The following TARP variants were observed in gnomAD, a reference collection of about 807,000 sequenced individuals.
At chr7:38,265,879 A>T in the TARP span, among the ~76,000 whole-genome samples, 1 of 151,614 alleles carries the variant, frequency 6.6e-6, no homozygotes, top group African/African-American at 2.4e-5. Flanking sequence ...GAATCAAGAC[A>T]TTAAATAACT....
the TARP span, among the ~76,000 whole-genome samples, chr7:38,270,118 G>T: frequency 6.6e-6 from 1 of 151,840 alleles, no homozygotes; most frequent in South Asian, 2.1e-4. Flanking sequence ...AAATGCTATG[G>T]AAATATAAGA....
chr7:38,269,686 A>G, the TARP span: 41 of 568,864 alleles, frequency 7.2e-5, no homozygotes, highest in Non-Finnish European at 1.2e-4. Context: ...AAATCAAATA[A>G]CTTAAAGCTT....
the TARP span, chr7:38,260,262 A>C: frequency 8.2e-7 from 1 of 1,221,466 alleles, no homozygotes; most frequent in Non-Finnish European, 1.1e-6. Context: ...CTTTTTACAG[A>C]ATAAGATACA....
At chr7:38,266,385 C>A in the TARP span, among the ~76,000 whole-genome samples, 1 of 151,770 alleles carries the variant, frequency 6.6e-6, no homozygotes, top group Non-Finnish European at 1.5e-5. Context: ...TAGCTCACTG[C>A]AGTCTCGACT....
the TARP span, among the ~76,000 whole-genome samples, chr7:38,267,575 TATTA>T: frequency 3.5e-3 from 526 of 151,046 alleles, 2 homozygotes; most frequent in African/African-American, 0.013. Flanking sequence ...TATACAGAAA[TATTA>T]ATTTGTGAGC....
the TARP span, chr7:38,265,740 G>C: frequency 4.1e-6 from 5 of 1,207,560 alleles, no homozygotes; most frequent in Non-Finnish European, 4.6e-6. Flanking sequence ...ACATTGCACA[G>C]TTTGGAGTGG....
At chr7:38,270,118 G>C in the TARP span, among the ~76,000 whole-genome samples, 1 of 151,840 alleles carries the variant, frequency 6.6e-6, no homozygotes, top group African/African-American at 2.4e-5. Flanking sequence ...AAATGCTATG[G>C]AAATATAAGA....
the TARP span, among the ~76,000 whole-genome samples, chr7:38,263,725 T>G: frequency 1.3e-5 from 2 of 151,734 alleles, no homozygotes; most frequent in Non-Finnish European, 2.9e-5. Context: ...ATTGGTGTGT[T>G]GGTTTATTAT....
chr7:38,261,193 G>C, the TARP span, among the ~76,000 whole-genome samples: 1 of 151,600 alleles, frequency 6.6e-6, no homozygotes, highest in Non-Finnish European at 1.5e-5. Flanking sequence ...AGCCCCACAT[G>C]ATGTCCGTTT....
At chr7:38,269,229 A>G in the TARP span, among the ~76,000 whole-genome samples, 1 of 151,780 alleles carries the variant, frequency 6.6e-6, no homozygotes, top group African/African-American at 2.4e-5. Context: ...CAGACATTTT[A>G]ATGAGATCAT....
the TARP span, among the ~76,000 whole-genome samples, chr7:38,263,438 T>G: frequency 1.6e-4 from 25 of 151,856 alleles, no homozygotes; most frequent in African/African-American, 5.8e-4. Flanking sequence ...AGAAAGTTAT[T>G]TATAAAGAGG....
chr7:38,269,835 T>C, the TARP span, among the ~76,000 whole-genome samples: 7 of 152,058 alleles, frequency 4.6e-5, no homozygotes, highest in Non-Finnish European at 8.8e-5. Context: ...TGCAGTGGTT[T>C]GTGCCTATAA....
the TARP span, among the ~76,000 whole-genome samples, chr7:38,269,982 G>C: frequency 3.3e-5 from 5 of 151,762 alleles, no homozygotes; most frequent in East Asian, 3.9e-4. Flanking sequence ...CACGACTGTA[G>C]GCCCAGCTAC....
the TARP span, among the ~76,000 whole-genome samples, chr7:38,260,535 G>A: frequency 6.7e-6 from 1 of 150,078 alleles, no homozygotes; most frequent in Non-Finnish European, 1.5e-5. Flanking sequence ...GGTAGTTGTG[G>A]CACACTCACC....
chr7:38,268,408 C>T, the TARP span, among the ~76,000 whole-genome samples: 1 of 151,264 alleles, frequency 6.6e-6, no homozygotes, highest in Non-Finnish European at 1.5e-5. Flanking sequence ...TAAGTGTTCT[C>T]TATTTCTTAT....
At chr7:38,262,620 C>G in the TARP span, among the ~76,000 whole-genome samples, 1 of 151,424 alleles carries the variant, frequency 6.6e-6, no homozygotes, top group Non-Finnish European at 1.5e-5. Context: ...GACATGACAT[C>G]AGCAAAAAGA....
At chr7:38,265,419 T>A in the TARP span, 2 of 1,612,398 alleles carry the variant, frequency 1.2e-6, no homozygotes, top group Non-Finnish European at 8.5e-7. Flanking sequence ...TGACGATACA[T>A]CTGTGTTCTT....
At chr7:38,269,067 G>A in the TARP span, among the ~76,000 whole-genome samples, 57 of 151,826 alleles carry the variant, frequency 3.8e-4, no homozygotes, top group African/African-American at 7.0e-4. Context: ...AGCAGTGAGT[G>A]GTGGAGCCAG....
chr7:38,265,572 T>C, the TARP span: 1 of 1,612,026 alleles, frequency 6.2e-7, no homozygotes, highest in South Asian at 1.1e-5. Context: ...CAGGGAAAAA[T>C]TTCTCAAGAA....
Sources: gnomAD v4.1 joint callset for allele counts (sites outside exome capture counted in the v4.1 genomes callset) on GRCh38, gnomAD v4.1.1 for gene constraint, MANE v1.5 for transcripts.